MEX3C: variants seen among roughly 807,000 people sequenced by gnomAD.
The protein encoded by MEX3C is RNA-binding E3 ubiquitin-protein ligase MEX3C.
Under a neutral mutation model 35.5 loss-of-function variants are expected in MEX3C, and 15 were observed. The observed-to-expected ratio is 0.42, with a 90% CI of 0.28 to 0.65. The LOEUF (loss-of-function observed/expected upper bound fraction) is 0.65, where lower values mean the gene tolerates loss of function less well. Among genes scored for constraint, MEX3C ranks in the 30% least tolerant of loss-of-function variants. The pLI is 0.20. For synonymous variants in MEX3C, 390 were observed against 352.8 expected (o/e 1.11, Z -1.18); for missense variants, 711 against 842.8 (o/e 0.84, Z 1.94).
At position 51,196,661 on chromosome 18, in the gene MEX3C, C is replaced by T. The variant is rs771429622; in HGVS notation, c.660G>A (p.Glu220=). 5.1e-6 allele frequency: 8 copies of T among 1,563,412 alleles called. No homozygotes were observed. Among genetic ancestry groups the T allele is most frequent in the Non-Finnish European group, 6.9e-6 (8 of 1,160,542 alleles). ...CGAAAAALNG[E]QAALLRRKSV... ...TCTTTCTCCGGAGCAGGGCCGCCTG[C>T]TCCCCGTTCAGGGCGGCCGCCGCCG... Residue 220 remains glutamate, a synonymous_variant, in exon 1 of 2, where the codon GAG becomes GAA. Coordinates refer to ENST00000406189, the MANE Select transcript of MEX3C (RefSeq NM_016626.5).
At chr18:51,195,244 C>G (rs1219545134) in intron 1 of MEX3C, 3 of 152,196 alleles carry the variant, frequency 2.0e-5, no homozygotes, top group African/African-American at 7.2e-5. Flanking sequence ...CAAAACCAAA[C>G]AATCCAGGAA....
chr18:51,197,286 GC>G lies in MEX3C; in HGVS notation c.34del (p.Ala12ArgfsTer37). 1 of 695,500 alleles carries G rather than the reference GC, an allele frequency of 1.4e-6. No homozygotes were observed. The highest frequency in any genetic ancestry group is 1.8e-6 in the Non-Finnish European group (1 of 567,970). 43.1% of individuals were successfully genotyped at this position (695,500 alleles called of 1,614,324 possible). ...CTGCGGCAGGGGGGCCGGGGCCGCC[GC>G]CAGGGCCAGGGCCGCGGAGCTGCCG... ...PSGSSAALAL[A>X]AAPAPLPQPP... On this transcript the variant is annotated frameshift_variant, in exon 1 of 2. Coordinates refer to ENST00000406189, the MANE Select transcript of MEX3C (RefSeq NM_016626.5). LOFTEE classifies it high-confidence loss of function.
At chr18:51,179,237 T>C (rs1912372501) in intron 1 of MEX3C, among the ~76,000 whole-genome samples, 1 of 152,120 alleles carries the variant, frequency 6.6e-6, no homozygotes, top group Non-Finnish European at 1.5e-5. Flanking sequence ...ACTCCTGACC[T>C]AGTAATCTGC....
At position 51,196,933 on chromosome 18, in the gene MEX3C, G is replaced by GCTC. The variant is rs752821483; in HGVS notation, c.385_387dup (p.Glu129dup). The GCTC allele has an allele frequency of 2.6e-6, 4 of 1,543,856 alleles. No individual in the cohort carries two copies. The highest frequency in any genetic ancestry group is 2.4e-5 in the South Asian group (2 of 83,798). ...CGGTCCTCCTCCTCTGCTTCCTCCA[G>GCTC]CTCCTCCTCCTCCAGCAGGTCTCCG... On this transcript the variant is annotated inframe_insertion, in exon 1 of 2. Transcript: ENST00000406189.
intron 1 of MEX3C, among the ~76,000 whole-genome samples, chr18:51,191,648 A>T (rs1234166297): frequency 2.0e-5 from 3 of 152,304 alleles, no homozygotes; most frequent in African/African-American, 7.2e-5. Context: ...CGGTGGTTCC[A>T]AATTAATTTC....
chr18:51,196,589 G>C lies in MEX3C; in HGVS notation c.732C>G (p.Val244=), dbSNP rs758089078. The C allele has an allele frequency of 6.3e-7, 1 of 1,591,848 alleles. No individual in the cohort carries two copies. Among genetic ancestry groups the C allele is most frequent in the Admixed American group, 1.7e-5 (1 of 58,904 alleles). ...ECVPVPSSEH[V]AEIVGRQGCK... ...CACCCTGGCGGCCGACGATCTCGGC[G>C]ACGTGCTCGGAGCTGGGCACCGGGA... The change falls in exon 1 of 2, where the codon GTC becomes GTG. Residue 244 remains valine, a synonymous_variant. Coordinates refer to ENST00000406189, the MANE Select transcript of MEX3C (RefSeq NM_016626.5).
Position 51,176,323 on chromosome 18 carries a change from GA to G in MEX3C, c.*27del. The G allele has an allele frequency of 6.4e-7, 1 of 1,556,670 alleles. No homozygotes were observed. The highest frequency in any genetic ancestry group is 1.2e-5 in the South Asian group (1 of 82,456). On this transcript the variant is annotated 3_prime_UTR_variant, in exon 2 of 2. Transcript: ENST00000406189. Reference sequence around the variant, plus strand: ...CCATGCCTTTACGAGTCCATATAGAGATATAGTATTTATGTATATATATATA... The same window carrying G: ...CCATGCCTTTACGAGTCCATATAGAGTATAGTATTTATGTATATATATATA...
intron 1 of MEX3C, among the ~76,000 whole-genome samples, chr18:51,180,196 C>T (rs1212120052): frequency 2.0e-5 from 3 of 151,918 alleles, no homozygotes; most frequent in African/African-American, 7.3e-5. Flanking sequence ...TCAGTCACAC[C>T]CTTAGTAGAA....
At chr18:51,189,143 G>C (rs948866192) in intron 1 of MEX3C, among the ~76,000 whole-genome samples, 1 of 152,168 alleles carries the variant, frequency 6.6e-6, no homozygotes, top group Admixed American at 6.5e-5. Context: ...GTTATTAAAA[G>C]ACAAGTGAAC....
intron 1 of MEX3C, among the ~76,000 whole-genome samples, chr18:51,180,254 T>G (rs1487218585): frequency 1.3e-5 from 2 of 152,186 alleles, no homozygotes; most frequent in Admixed American, 1.3e-4. Flanking sequence ...TGAGGAAATA[T>G]GCTTGAGGGT....
At chr18:51,183,858 G>A (rs778377684) in intron 1 of MEX3C, among the ~76,000 whole-genome samples, 11 of 152,140 alleles carry the variant, frequency 7.2e-5, no homozygotes, top group Non-Finnish European at 1.3e-4. Flanking sequence ...AATTAGCCAT[G>A]TATGGTGGTG....
intron 1 of MEX3C, chr18:51,193,800 T>C (rs1032535140): frequency 1.3e-5 from 2 of 152,236 alleles, no homozygotes; most frequent in East Asian, 1.9e-4. Flanking sequence ...AAGCGGTAGT[T>C]TGTGTTTTAG....
chr18:51,186,995 G>C (rs1912555166), intron 1 of MEX3C, among the ~76,000 whole-genome samples: 1 of 152,122 alleles, frequency 6.6e-6, no homozygotes, highest in Non-Finnish European at 1.5e-5. Flanking sequence ...TTGTTTTGAA[G>C]GGTAAAGAGA....
At chr18:51,191,886 CAG>C (rs1912657874) in intron 1 of MEX3C, among the ~76,000 whole-genome samples, 1 of 152,108 alleles carries the variant, frequency 6.6e-6, no homozygotes, top group African/African-American at 2.4e-5. Flanking sequence ...CACAGCTGAA[CAG>C]AGACTGTCAC....
chr18:51,191,377 C>A lies in MEX3C; in HGVS notation c.754+5190G>T, dbSNP rs79347106. Among the ~76,000 whole-genome samples the A allele has an allele frequency of 1.7e-3, 260 of 152,264 alleles. 4 individuals are homozygous for A. Among genetic ancestry groups the A allele is most frequent in the East Asian group, 4.6e-3 (24 of 5,180 alleles). On this transcript the variant is annotated intron_variant, in intron 1 of 1. Transcript: ENST00000406189. ...CTGGCACAACAGAAGATCAGTAACACTGGAGATGGTGGCTGCTGTTGGCCT... is the reference window on the plus strand; with the variant it reads ...CTGGCACAACAGAAGATCAGTAACAATGGAGATGGTGGCTGCTGTTGGCCT...
At chr18:51,184,583 G>A (rs1302945017) in intron 1 of MEX3C, among the ~76,000 whole-genome samples, 1 of 152,176 alleles carries the variant, frequency 6.6e-6, no homozygotes, top group East Asian at 1.9e-4. Context: ...TTGGCTGTGT[G>A]TGATGCCTCA....
intron 1 of MEX3C, among the ~76,000 whole-genome samples, chr18:51,179,626 T>G (rs1470166015): frequency 1.3e-5 from 2 of 152,106 alleles, no homozygotes; most frequent in Non-Finnish European, 2.9e-5. Context: ...TTTCACATTT[T>G]CGGATTAGAA....
Position 51,196,981 on chromosome 18 carries a change from C to A in MEX3C, c.340G>T (p.Glu114Ter). The change falls in exon 1 of 2, where the codon GAG (glutamate) becomes TAG (stop). Residue 114 changes from glutamate (E) to a stop codon, truncating the protein, a stop_gained. Transcript: ENST00000406189. LOFTEE classifies it high-confidence loss of function. ...AELELEEDEE[E>*]GEEAELDGDL... The stretch of plus-strand genomic sequence containing the variant: ...CCGTCCAGCTCCGCTTCCTCCCCCT[C>A]CTCCTCGTCCTCTTCCAGCTCCAGC... The A allele has an allele frequency of 6.5e-7, 1 of 1,537,684 alleles. No individual in the cohort carries two copies.
At chr18:51,184,851 C>G (rs938955912) in intron 1 of MEX3C, among the ~76,000 whole-genome samples, 2 of 146,560 alleles carry the variant, frequency 1.4e-5, no homozygotes, top group African/African-American at 4.9e-5. Context: ...AGAGTGAGAC[C>G]CTGACCCAAA....
Sources: allele counts gnomAD v4.1 joint callset (sites outside exome capture counted in the v4.1 genomes callset), GRCh38; gene constraint gnomAD v4.1.1; transcripts MANE v1.5; gene names NCBI Gene and HGNC (gene_info 2026-07-23, HGNC 2026-07-21).